Variants in NSF observed in about 807,000 individuals in gnomAD.
The protein encoded by NSF is vesicle-fusing ATPase.
NSF carries 14 observed loss-of-function variants against 50.3 expected under a neutral mutation model. The observed-to-expected ratio is 0.28, with a 90% CI of 0.18 to 0.44. The LOEUF is 0.44. NSF is among the 20% of genes least tolerant of loss of function. NSF has a pLI of 1.00. For missense variants in NSF, 218 were observed against 504.3 expected (o/e 0.43, Z 5.44); for synonymous variants, 109 against 175.7 (o/e 0.62, Z 3.00).
intron 13 of NSF, among the ~76,000 whole-genome samples, chr17:46,708,364 T>C (rs899180332): frequency 3.9e-5 from 6 of 152,166 alleles, no homozygotes; most frequent in Non-Finnish European, 5.9e-5. Context: ...TTATTTTCTG[T>C]TTTTTTGGTA....
chr17:46,710,129 T>TA (rs1351529536), intron 13 of NSF, among the ~76,000 whole-genome samples: 3 of 152,212 alleles, frequency 2.0e-5, no homozygotes, highest in Non-Finnish European at 4.4e-5. Flanking sequence ...TGATGATCTT[T>TA]AAAAAATTGA....
chr17:46,737,445 G>A (rs1039310227), intron 17 of NSF, among the ~76,000 whole-genome samples: 10 of 152,138 alleles, frequency 6.6e-5, no homozygotes, highest in African/African-American at 1.7e-4. Context: ...CAACCCTAAC[G>A]CTGAACAAGA....
chr17:46,635,819 G>GTGTGT (rs1795821009), intron 4 of NSF, among the ~76,000 whole-genome samples: 1 of 135,584 alleles, frequency 7.4e-6, no homozygotes, highest in Non-Finnish European at 1.7e-5. Context: ...GTGTGTGTGT[G>GTGTGT]CTCGTGTGTG....
At chr17:46,724,359 A>G (rs1705672648) in intron 15 of NSF, among the ~76,000 whole-genome samples, 1 of 152,240 alleles carries the variant, frequency 6.6e-6, no homozygotes, top group Admixed American at 6.5e-5. Flanking sequence ...TGGCTCAGAC[A>G]GTGAGTTCTG....
intron 15 of NSF, chr17:46,721,978 A>G: frequency 1.2e-6 from 2 of 1,606,196 alleles, no homozygotes; most frequent in South Asian, 2.2e-5. Context: ...GAACGGGAAC[A>G]AAGATTATGA....
intron 19 of NSF, among the ~76,000 whole-genome samples, 176 bp from the exon 20 acceptor site, chr17:46,755,138 A>G (rs2059220006): frequency 6.6e-6 from 1 of 152,184 alleles, no homozygotes; most frequent in South Asian, 2.1e-4. Flanking sequence ...ACTTCCTCCA[A>G]ATGATGTGAT....
At position 46,755,859 on chromosome 17, in the gene NSF, A is replaced by G; in HGVS notation, c.*36A>G. 1 of 1,607,052 alleles carries G rather than the reference A, an allele frequency of 6.2e-7. No individual in the cohort carries two copies. Among genetic ancestry groups the G allele is most frequent in the Non-Finnish European group, 8.5e-7 (1 of 1,176,058 alleles). On this transcript the variant is annotated 3_prime_UTR_variant, in exon 21 of 21. Transcript: ENST00000398238. ...TTTGAAACACACAGTGACCAAGGGA[A>G]GTGACCAAGGTGAAGATGGCCTAGG...
At position 46,714,016 on chromosome 17, in the gene NSF, C is replaced by T. The variant is rs771393858; in HGVS notation, c.1761+30C>T. 181 of 1,592,584 alleles carry T rather than the reference C, an allele frequency of 1.1e-4. 4 individuals carry two copies. In the South Asian group the frequency reaches 2.0e-3, roughly 18 times the overall value. On this transcript the variant is annotated intron_variant, in intron 15 of 20. Coordinates refer to ENST00000398238, the MANE Select transcript of NSF (RefSeq NM_006178.4). ...CAAGATTTTACTTTCATTTTAATTT[C>T]CTATCTCTTAAATGTGTGTGTGTGT...
chr17:46,599,071 C>A (rs2057892274), intron 1 of NSF, among the ~76,000 whole-genome samples: 1 of 52,350 alleles, frequency 1.9e-5, no homozygotes, highest in African/African-American at 8.7e-5. Flanking sequence ...TAGGATGACT[C>A]TTTTTTTCAA....
At chr17:46,725,314 T>C (rs2058877097) in intron 15 of NSF, among the ~76,000 whole-genome samples, 1 of 152,060 alleles carries the variant, frequency 6.6e-6, no homozygotes, top group Non-Finnish European at 1.5e-5. Flanking sequence ...CACAGTCCAG[T>C]GGGGAGACAG....
At chr17:46,743,869 T>G (rs1192054589) in intron 17 of NSF, among the ~76,000 whole-genome samples, 1 of 152,122 alleles carries the variant, frequency 6.6e-6, no homozygotes, top group Non-Finnish European at 1.5e-5. Context: ...GCATCCCGAG[T>G]CTGCCTTTTG....
rs1555670150 is a variant in NSF at position 46,657,972 on chromosome 17, T to TTTA, written c.745+14715_745+14716insATT. 1.9e-4 allele frequency among the ~76,000 whole-genome samples: 3 copies of TTTA among 16,062 alleles called. 1 individual carries two copies. The highest frequency in any genetic ancestry group is 4.5e-4 in the African/African-American group (3 of 6,624). 10.5% of individuals were successfully genotyped at this position (16,062 alleles called of 152,430 possible). ...TTTGTTTTTATTTTATTTTATTTAT[T>TTTA]TTTTTTTTTTTTGGCGGGGTGGGGT... On this transcript the variant is annotated intron_variant, in intron 8 of 20. Transcript: ENST00000398238.
chr17:46,729,071 A>G (rs1412810689), intron 17 of NSF, 137 bp downstream of exon 17: 8 of 562,694 alleles, frequency 1.4e-5, no homozygotes, highest in Non-Finnish European at 2.1e-5. Flanking sequence ...AAGGTCGTCC[A>G]GTCTTGACTT....
At chr17:46,675,741 G>GA (rs1316144700) in intron 9 of NSF, among the ~76,000 whole-genome samples, 1 of 122,104 alleles carries the variant, frequency 8.2e-6, no homozygotes, top group African/African-American at 3.5e-5. Flanking sequence ...GACAGTTTAA[G>GA]AACAATGCCA....
intron 17 of NSF, among the ~76,000 whole-genome samples, chr17:46,735,528 C>T (rs1044910884): frequency 5.3e-5 from 8 of 151,290 alleles, no homozygotes; most frequent in East Asian, 3.9e-4. Flanking sequence ...TAGCCTTGAA[C>T]GTCCCTTAAT....
chr17:46,678,681 C>A (rs1365539864), intron 9 of NSF, among the ~76,000 whole-genome samples: 1 of 103,352 alleles, frequency 9.7e-6, no homozygotes. Flanking sequence ...GGAGAAATAC[C>A]AAAGAACTCT....
chr17:46,753,673 C>T (rs1215347733), intron 19 of NSF, among the ~76,000 whole-genome samples: 2 of 152,032 alleles, frequency 1.3e-5, no homozygotes, highest in East Asian at 3.9e-4. Flanking sequence ...ATCCCTTTCC[C>T]TTCCTTTGAT....
intron 1 of NSF, among the ~76,000 whole-genome samples, chr17:46,622,374 C>T (rs991710058): frequency 3.5e-4 from 52 of 150,386 alleles, no homozygotes; most frequent in African/African-American, 1.2e-3. Context: ...AGGAGAATGG[C>T]GTGAACCCGG....
chr17:46,715,604 A>G (rs1183534596), intron 15 of NSF, among the ~76,000 whole-genome samples: 1 of 152,208 alleles, frequency 6.6e-6, no homozygotes, highest in African/African-American at 2.4e-5. Context: ...GGATGGTCCT[A>G]GTTTTTCTAT....
Sources: allele counts gnomAD v4.1 joint callset (sites outside exome capture counted in the v4.1 genomes callset), GRCh38; gene constraint gnomAD v4.1.1; transcripts MANE v1.5; gene names NCBI Gene and HGNC (gene_info 2026-07-23, HGNC 2026-07-21).